Variants in SUMF1 observed in about 807,000 individuals in gnomAD.
SUMF1 encodes the protein formylglycine-generating enzyme.
SUMF1 carries 48 observed loss-of-function variants against 47.6 expected under a neutral mutation model. The observed-to-expected ratio is 1.01, with a 90% CI of 0.80 to 1.28. The LOEUF (loss-of-function observed/expected upper bound fraction) is 1.28. Among genes scored for constraint, SUMF1 ranks in the 50% most tolerant of loss-of-function variants. SUMF1 has a pLI of 0.00. For synonymous variants in SUMF1, 230 were observed against 192.1 expected, an observed-to-expected ratio of 1.20 and a Z score of -1.63; for missense variants, 571 against 485.4, an observed-to-expected ratio of 1.18 and a Z score of -1.66.
At chr3:4,155,646 G>A (rs999044039) in intron 8 of SUMF1, among the ~76,000 whole-genome samples, 4 of 151,356 alleles carry the variant, frequency 2.6e-5, no homozygotes, top group African/African-American at 9.8e-5. Flanking sequence ...TTTAAACCTG[G>A]CTCCTAGCCT....
chr3:4,446,374 G>T (rs1173327980), intron 3 of SUMF1, among the ~76,000 whole-genome samples: 4 of 152,196 alleles, frequency 2.6e-5, no homozygotes, highest in Non-Finnish European at 5.9e-5. Flanking sequence ...CGTAAAACGT[G>T]CATTTGTTCC....
rs192564804 is a variant in SUMF1 at position 4,333,601 on chromosome 3, G to C, written c.1014+42729C>G. 1.1e-3 allele frequency among the ~76,000 whole-genome samples: 175 copies of C among 152,236 alleles called. 1 individual carries two copies. Among genetic ancestry groups the C allele is most frequent in the South Asian group, 2.3e-3 (11 of 4,822 alleles). On this transcript the variant is annotated intron_variant and NMD_transcript_variant, in intron 8 of 12. Transcript: ENST00000448413. ...GAAGCAAAAGCCATGGGACAAGACAGTACAATGCTTCCACAGTGCACCTCA... is the reference window on the plus strand; with the variant it reads ...GAAGCAAAAGCCATGGGACAAGACACTACAATGCTTCCACAGTGCACCTCA...
chr3:4,055,944 C>G (rs978281100), intron 9 of SUMF1, among the ~76,000 whole-genome samples: 5 of 152,160 alleles, frequency 3.3e-5, no homozygotes, highest in Admixed American at 3.3e-4. Context: ...CCATCTTCCT[C>G]TATCTTCAAA....
At chr3:4,148,687 G>T (rs1694250040) in intron 8 of SUMF1, among the ~76,000 whole-genome samples, 1 of 152,106 alleles carries the variant, frequency 6.6e-6, no homozygotes, top group South Asian at 2.1e-4. Context: ...TAATGGCTAT[G>T]TTCCAGTGAA....
At chr3:4,350,345 GTGTGTGTGT>G in intron 8 of SUMF1, among the ~76,000 whole-genome samples, 1 of 148,814 alleles carries the variant, frequency 6.7e-6, no homozygotes, top group Non-Finnish European at 1.5e-5. Context: ...GTGTGTGTGT[GTGTGTGTGT>G]ATAATTGTGT....
At chr3:4,075,224 AG>A (rs1692394635) in intron 8 of SUMF1, among the ~76,000 whole-genome samples, 1 of 152,174 alleles carries the variant, frequency 6.6e-6, no homozygotes, top group Non-Finnish European at 1.5e-5. Context: ...TCACATAAAC[AG>A]AACCAACGAC....
intron 8 of SUMF1, chr3:4,303,394 G>T (rs200067979): frequency 1.9e-6 from 3 of 1,559,362 alleles, no homozygotes; most frequent in African/African-American, 2.8e-5. Flanking sequence ...CGGCAAAGAC[G>T]ACACGGCCTT....
chr3:4,336,878 A>G (rs1257377477), intron 8 of SUMF1, among the ~76,000 whole-genome samples: 1 of 152,216 alleles, frequency 6.6e-6, no homozygotes, highest in South Asian at 2.1e-4. Context: ...GATGTACTGA[A>G]TAACTATCTC....
intron 8 of SUMF1, among the ~76,000 whole-genome samples, chr3:4,365,625 G>A (rs996541580): frequency 1.4e-5 from 2 of 146,038 alleles, no homozygotes; most frequent in African/African-American, 5.0e-5. Flanking sequence ...CACGTGAGAT[G>A]GGTTTCCTGA....
At position 4,362,106 on chromosome 3, in the gene SUMF1, C is replaced by T. The variant is rs375181550; in HGVS notation, c.*38G>A. On this transcript the variant is annotated 3_prime_UTR_variant, in exon 9 of 9. Coordinates refer to ENST00000272902, the MANE Select transcript of SUMF1 (RefSeq NM_182760.4). The stretch of plus-strand genomic sequence containing the variant: ...AGAAAAGCCCAATGTAGGTCAGACA[C>T]GACTGCTCCTTGGACTGGGGAAGAC... The T allele has an allele frequency of 4.7e-5, 75 of 1,589,016 alleles. No individual in the cohort carries two copies. The Admixed American group carries it at 8.8e-4, about 19-fold the overall frequency.
At chr3:4,230,376 G>T (rs1696272635) in intron 8 of SUMF1, among the ~76,000 whole-genome samples, 1 of 152,092 alleles carries the variant, frequency 6.6e-6, no homozygotes, top group Non-Finnish European at 1.5e-5. Context: ...GGCAACAAAA[G>T]AAGAAGAGTT....
At chr3:4,305,829 A>T (rs1169672800) in intron 8 of SUMF1, among the ~76,000 whole-genome samples, 2 of 152,208 alleles carry the variant, frequency 1.3e-5, no homozygotes, top group East Asian at 3.8e-4. Flanking sequence ...GAGTAGAATA[A>T]GATATTAATG....
At chr3:4,242,978 C>A (rs1696576816) in intron 8 of SUMF1, among the ~76,000 whole-genome samples, 1 of 152,122 alleles carries the variant, frequency 6.6e-6, no homozygotes, top group African/African-American at 2.4e-5. Flanking sequence ...TTCAGAGATT[C>A]AACTTCTTCC....
Position 4,452,885 on chromosome 3 carries a change from A to G in SUMF1, c.435T>C (p.Tyr145=). 1 of 1,614,220 alleles carries G rather than the reference A, an allele frequency of 6.2e-7. No homozygotes were observed. Among genetic ancestry groups the G allele is most frequent in the African/African-American group, 1.3e-5 (1 of 75,064 alleles). ...TCCCCAATCCCATTACCTCTGTCAA[A>G]TAGCCAGTTGAGTTCACAAACTTCT... ...EFEKFVNSTG[Y]LTEAEKFGDS... Residue 145 remains tyrosine (Y), a synonymous_variant, in exon 2 of 9, where the codon TAT becomes TAC. Transcript: ENST00000272902.
rs139238069 is a variant in SUMF1 at position 4,199,277 on chromosome 3, T to G, written c.1015-130532A>C. 1.4e-4 allele frequency among the ~76,000 whole-genome samples: 22 copies of G among 152,324 alleles called. No individual in the cohort carries two copies. The East Asian group carries it at 4.2e-3, about 29-fold the overall frequency. On this transcript the variant is annotated intron_variant and NMD_transcript_variant, in intron 8 of 12. Coordinates refer to the SUMF1 transcript ENST00000448413. ...TTCTTTTGTGTATTGCTTCTTTCAC[T>G]TTTGAAGTTCATTCATGTTGTTACA...
chr3:4,061,905 TA>T (rs1244757355), intron 9 of SUMF1, among the ~76,000 whole-genome samples: 4 of 152,078 alleles, frequency 2.6e-5, no homozygotes, highest in Admixed American at 6.6e-5. Flanking sequence ...AGGCTACACT[TA>T]AATTAACAAC....
chr3:4,398,398 A>G (rs1413995222), intron 7 of SUMF1, among the ~76,000 whole-genome samples: 1 of 152,160 alleles, frequency 6.6e-6, no homozygotes, highest in African/African-American at 2.4e-5. Context: ...ACACATCCAC[A>G]TGAAAAAAAT....
Position 4,195,524 on chromosome 3 carries a change from G to A in SUMF1, c.1015-126779C>T, listed in dbSNP as rs6780098. Among the ~76,000 whole-genome samples, 1,394 of 152,218 alleles carry A rather than the reference G, an allele frequency of 9.2e-3. 18 individuals are homozygous for A. Among genetic ancestry groups the A allele is most frequent in the Admixed American group, 0.017 (263 of 15,270 alleles). On this transcript the variant is annotated intron_variant and NMD_transcript_variant, in intron 8 of 12. Coordinates refer to the SUMF1 transcript ENST00000448413. ...TTGCCGTTTAACAAAAAGGAAACTG[G>A]CCTACATTTAAATGGGAAAATGTAG... is the stretch of plus-strand genomic sequence containing the variant.
At chr3:4,119,098 A>G (rs1693482833) in intron 8 of SUMF1, among the ~76,000 whole-genome samples, 3 of 152,072 alleles carry the variant, frequency 2.0e-5, no homozygotes, top group Admixed American at 1.3e-4. Flanking sequence ...TTTTCATTCC[A>G]GCTAATGGCC....
Sources: allele counts gnomAD v4.1 joint callset (sites outside exome capture counted in the v4.1 genomes callset), GRCh38; gene constraint gnomAD v4.1.1; transcripts MANE v1.5; gene names NCBI Gene and HGNC (gene_info 2026-07-23, HGNC 2026-07-21).